Variants in ADAMTS2 observed in about 807,000 individuals in gnomAD.
ADAMTS2 encodes A disintegrin and metalloproteinase with thrombospondin motifs 2.
In ADAMTS2, 50 loss-of-function variants were observed where a neutral mutation model predicts 123.0. That is an observed-to-expected ratio of 0.41 (90% CI 0.32 to 0.51). The LOEUF is 0.51. Among genes scored for constraint, ADAMTS2 ranks in the 20% least tolerant of loss-of-function variants. The pLI is 0.35. For missense variants in ADAMTS2, 1,494 were observed against 1,705.2 expected (o/e 0.88, Z 2.18); for synonymous variants, 678 against 695.4 (o/e 0.98, Z 0.39).
In ADAMTS2 at chr5:179,130,037, A is replaced by T; in HGVS notation, c.2352T>A (p.Ser784Arg). ...ILNEENDVDA[S>R]SKTFIAMGVE... ...CGCCCATGGCAATGAAGGTTTTGGA[A>T]CTGGCATCCACGTCATTCTCTTCAT... Residue 784 changes from serine to arginine, a missense_variant, in exon 16 of 22, where the codon AGT becomes AGA. By Grantham distance (110) the Ser-to-Arg change is moderately radical. Transcript: ENST00000251582. This position sits in a 1 kb window ranked among gnomAD's most constrained non-coding sequence, Gnocchi z 4.3. The T allele has an allele frequency of 6.2e-7, 1 of 1,614,156 alleles. No homozygotes were observed. The highest frequency in any genetic ancestry group is 1.3e-5 in the African/African-American group (1 of 75,066).
chr5:179,220,153 C>T (rs1322462773), intron 3 of ADAMTS2, among the ~76,000 whole-genome samples: 3 of 152,314 alleles, frequency 2.0e-5, no homozygotes, highest in African/African-American at 4.8e-5. Context: ...TGGTGGGGGC[C>T]GATGGAGAGG....
chr5:179,299,841 T>C (rs1756461468), intron 2 of ADAMTS2, among the ~76,000 whole-genome samples: 1 of 151,958 alleles, frequency 6.6e-6, no homozygotes, highest in African/African-American at 2.4e-5. Context: ...ACACCTGTAA[T>C]CCCAGCACTT....
rs539496657 is a variant in ADAMTS2, at chr5:179,258,349, G to C, written c.688+14562C>G. Among the ~76,000 whole-genome samples, 32 of 152,062 alleles carry C rather than the reference G, an allele frequency of 2.1e-4. 1 individual carries two copies. Among genetic ancestry groups the C allele is most frequent in the Admixed American group, 9.8e-4 (15 of 15,270 alleles). On this transcript the variant is annotated intron_variant, in intron 3 of 21. Transcript: ENST00000251582. ...AGCTCCTCCCCGCAGCCCACCAGGT[G>C]CTCCTGCTGTGGTTTGGGCAGCACC...
intron 2 of ADAMTS2, 34 bp downstream of exon 2, chr5:179,343,733 C>A (rs1408502276): frequency 1.2e-6 from 2 of 1,600,864 alleles, no homozygotes; most frequent in East Asian, 2.3e-5. Context: ...GCGAGAGCAG[C>A]GGAGAGAAAG....
intron 4 of ADAMTS2, among the ~76,000 whole-genome samples, chr5:179,191,307 G>GGC (rs1764299993): frequency 6.6e-6 from 1 of 152,146 alleles, no homozygotes; most frequent in Non-Finnish European, 1.5e-5. Context: ...AGCCCTGGGG[G>GGC]GCTCAGTGAG....
intron 3 of ADAMTS2, among the ~76,000 whole-genome samples, chr5:179,249,879 A>G (rs1765880254): frequency 6.6e-6 from 1 of 152,232 alleles, no homozygotes; most frequent in Non-Finnish European, 1.5e-5. Context: ...GAAACCAGAC[A>G]AAAACATCAT....
intron 4 of ADAMTS2, among the ~76,000 whole-genome samples, chr5:179,193,138 C>T (rs566624077): frequency 3.9e-5 from 6 of 152,188 alleles, no homozygotes; most frequent in Admixed American, 2.0e-4. Context: ...CAGGTGGAGA[C>T]AGCTGACCGT....
At chr5:179,323,677 C>T (rs1283943342) in intron 2 of ADAMTS2, among the ~76,000 whole-genome samples, 3 of 152,260 alleles carry the variant, frequency 2.0e-5, no homozygotes, top group South Asian at 4.1e-4. Flanking sequence ...CACCTGCGCC[C>T]GTCAGGGCAG....
chr5:179,152,789 C>T (rs1763386934), intron 9 of ADAMTS2, among the ~76,000 whole-genome samples: 1 of 152,130 alleles, frequency 6.6e-6, no homozygotes, highest in African/African-American at 2.4e-5. Flanking sequence ...CCCCCATCGC[C>T]ATGAGAATCG....
chr5:179,140,694 A>C (rs1387834748), intron 10 of ADAMTS2, among the ~76,000 whole-genome samples: 4 of 152,166 alleles, frequency 2.6e-5, no homozygotes, highest in Admixed American at 6.5e-5. Context: ...TACATCACAC[A>C]AAAACGTTTT....
intron 2 of ADAMTS2, among the ~76,000 whole-genome samples, chr5:179,321,459 G>A (rs1757171784): frequency 6.6e-6 from 1 of 152,134 alleles, no homozygotes; most frequent in Non-Finnish European, 1.5e-5. Flanking sequence ...TGCTGGGCCT[G>A]ATGCCCCCTG....
rs770214328 is a variant in ADAMTS2 at position 179,181,903 on chromosome 5, C to G, written c.892-748G>C. Among the ~76,000 whole-genome samples, 1 of 152,160 alleles carries G rather than the reference C, an allele frequency of 6.6e-6. No homozygotes were observed. Among genetic ancestry groups the G allele is most frequent in the Non-Finnish European group, 1.5e-5 (1 of 68,028 alleles). ...CTTCTACAGAACACAGCCAGCAAGA[C>G]CCTCCAGAAACATAGGTCAGGTTAT... On this transcript the variant is annotated intron_variant, in intron 4 of 21. Transcript: ENST00000251582. This position sits in a 1 kb window ranked among gnomAD's most constrained non-coding sequence, Gnocchi z 4.1.
chr5:179,274,054 G>C (rs11249620), intron 2 of ADAMTS2, among the ~76,000 whole-genome samples: 1 of 138,980 alleles, frequency 7.2e-6, no homozygotes, highest in Admixed American at 7.4e-5. Context: ...TTCCCCCTTC[G>C]AGGCCTGATT....
At chr5:179,122,903 G>T in intron 19 of ADAMTS2, 130 bp from the exon 20 acceptor site, 3 of 1,441,922 alleles carry the variant, frequency 2.1e-6, no homozygotes, top group Non-Finnish European at 1.9e-6. Flanking sequence ...AGTGGGGAGA[G>T]TGGGGTTTCA....
Position 179,132,882 on chromosome 5 carries a change from C to T in ADAMTS2, c.2104G>A (p.Val702Met). The change falls in exon 14 of 22, where the codon GTG (valine) becomes ATG (methionine). Residue 702 changes from valine to methionine, a missense_variant. Val to Met is a conservative substitution (Grantham distance 21). Coordinates refer to ENST00000251582, the MANE Select transcript of ADAMTS2 (RefSeq NM_014244.5). The surrounding 1 kb of genome is among the most constrained non-coding windows in gnomAD (Gnocchi z 6.1). ...GDCRKVGCDG[V>M]IGSSKQEDKC... ...TCTTCCTGCTTGCTGGAGCCGATCACACCGTCACAGCCCACCTTCTGTTGG... is the reference window on the plus strand; with the variant it reads ...TCTTCCTGCTTGCTGGAGCCGATCATACCGTCACAGCCCACCTTCTGTTGG... 1 of 1,613,962 alleles carries T rather than the reference C, an allele frequency of 6.2e-7. No homozygotes were observed. Among genetic ancestry groups the T allele is most frequent in the South Asian group, 1.1e-5 (1 of 91,064 alleles).
Position 179,231,149 on chromosome 5 carries a change from A to C in ADAMTS2, c.689-23434T>G, listed in dbSNP as rs533171964. ...CATTCTGAAATAAGCCAGGCCCAGAAGGACAAATACGGCACTCGTCCACTC... is the reference window on the plus strand; with the variant it reads ...CATTCTGAAATAAGCCAGGCCCAGACGGACAAATACGGCACTCGTCCACTC... On this transcript the variant is annotated intron_variant, in intron 3 of 21. Coordinates refer to ENST00000251582, the MANE Select transcript of ADAMTS2 (RefSeq NM_014244.5). Among the ~76,000 whole-genome samples the C allele has an allele frequency of 3.5e-4, 53 of 152,324 alleles. No individual in the cohort carries two copies. In the Middle Eastern group the frequency reaches 0.01, roughly 29 times the overall value.
At chr5:179,266,771 CCCCAGCCCCCACCTGGGCCA>C (rs143028808) in intron 3 of ADAMTS2, among the ~76,000 whole-genome samples, 1,997 of 152,042 alleles carry the variant, frequency 0.013, 43 homozygotes, top group African/African-American at 0.042. Flanking sequence ...ATCCTGGGCC[CCCCAGCCCCCACCTGGGCCA>C]AGCCTCACAT....
At chr5:179,319,266 C>A (rs1757090217) in intron 2 of ADAMTS2, among the ~76,000 whole-genome samples, 1 of 152,208 alleles carries the variant, frequency 6.6e-6, no homozygotes, top group African/African-American at 2.4e-5. Context: ...CACACATGTG[C>A]ACTACACACA....
intron 4 of ADAMTS2, among the ~76,000 whole-genome samples, chr5:179,195,599 G>C (rs1381617872): frequency 6.6e-6 from 1 of 152,246 alleles, no homozygotes; most frequent in Non-Finnish European, 1.5e-5. Context: ...GCTCTGCAGG[G>C]GGGCGTGGCC....
Sources: allele counts gnomAD v4.1 joint callset (sites outside exome capture counted in the v4.1 genomes callset), GRCh38; gene constraint gnomAD v4.1.1; non-coding constraint Gnocchi (gnomAD v3.1); transcripts MANE v1.5; gene names NCBI Gene and HGNC (gene_info 2026-07-23, HGNC 2026-07-21).